KIAA1328: variants seen among roughly 807,000 people sequenced by gnomAD.
KIAA1328 encodes protein hinderin.
A neutral mutation model predicts 68.1 loss-of-function variants in KIAA1328; 52 were observed. The ratio of observed to expected loss-of-function variants is 0.76; its 90% CI spans 0.61 to 0.96. The LOEUF (loss-of-function observed/expected upper bound fraction) is 0.96. Ranked by LOEUF, KIAA1328 falls within the 40% of genes least tolerant of loss-of-function variation. KIAA1328 has a pLI of 0.00. For synonymous variants in KIAA1328, 232 were observed against 239.4 expected, an observed-to-expected ratio of 0.97 and a Z score of 0.28; for missense variants, 641 against 677.6, an observed-to-expected ratio of 0.95 and a Z score of 0.60.
chr18:37,048,351 TC>T (rs1369095358), intron 6 of KIAA1328, among the ~76,000 whole-genome samples: 21 of 152,276 alleles, frequency 1.4e-4, no homozygotes, highest in African/African-American at 5.0e-4. Context: ...ATGCTGTATG[TC>T]TCCAAATGTG....
At chr18:37,044,568 C>T (rs2055387522) in intron 6 of KIAA1328, among the ~76,000 whole-genome samples, 1 of 151,990 alleles carries the variant, frequency 6.6e-6, no homozygotes, top group South Asian at 2.1e-4. Context: ...GAGGCCAAGG[C>T]AGGTGGATCA....
At chr18:37,158,883 G>T (rs912543480) in intron 7 of KIAA1328, among the ~76,000 whole-genome samples, 3 of 152,026 alleles carry the variant, frequency 2.0e-5, no homozygotes. Context: ...GTAGTCACTG[G>T]ATTTGCCTGG....
chr18:36,848,171 C>G (rs1248488630), intron 4 of KIAA1328, among the ~76,000 whole-genome samples: 1 of 151,592 alleles, frequency 6.6e-6, no homozygotes, highest in Non-Finnish European at 1.5e-5. Context: ...TTGAAGAAAA[C>G]TAACATTATC....
At chr18:36,915,382 T>TG (rs1333388519) in intron 5 of KIAA1328, among the ~76,000 whole-genome samples, 1 of 61,666 alleles carries the variant, frequency 1.6e-5, no homozygotes, top group Non-Finnish European at 4.4e-5. Flanking sequence ...TTAAAGAGAA[T>TG]GGGGAAAAAA....
intron 6 of KIAA1328, among the ~76,000 whole-genome samples, chr18:36,987,332 T>G: frequency 7.7e-6 from 1 of 130,096 alleles, no homozygotes; most frequent in South Asian, 2.7e-4. Flanking sequence ...CTGGGGACTG[T>G]GGTGGGGTCG....
chr18:36,884,044 T>C (rs889815512), intron 4 of KIAA1328, among the ~76,000 whole-genome samples: 1 of 150,562 alleles, frequency 6.6e-6, no homozygotes, highest in Non-Finnish European at 1.5e-5. Context: ...TTTTTAAAAT[T>C]GTCTAGTCTA....
At chr18:37,097,084 T>C (rs1482543884) in intron 7 of KIAA1328, among the ~76,000 whole-genome samples, 9 of 152,224 alleles carry the variant, frequency 5.9e-5, no homozygotes, top group Non-Finnish European at 8.8e-5. Flanking sequence ...TTTGATTAGA[T>C]CCCATTTGTC....
At chr18:36,902,643 A>G (rs1362321462) in intron 5 of KIAA1328, among the ~76,000 whole-genome samples, 2 of 152,108 alleles carry the variant, frequency 1.3e-5, no homozygotes, top group Non-Finnish European at 2.9e-5. Context: ...GGTATTATCC[A>G]TAAGATATCA....
chr18:37,193,456 T>C (rs2059945563), intron 9 of KIAA1328: 1 of 620,334 alleles, frequency 1.6e-6, no homozygotes, highest in Non-Finnish European at 2.9e-6. Flanking sequence ...TTAGGTCAAA[T>C]GTTGCTACCA....
chr18:36,873,853 A>G (rs2048029844), intron 4 of KIAA1328, among the ~76,000 whole-genome samples: 1 of 152,040 alleles, frequency 6.6e-6, no homozygotes, highest in South Asian at 2.1e-4. Flanking sequence ...TCATCTCCCT[A>G]CAGGCCACAG....
chr18:37,204,644 A>C (rs1005497669), intron 9 of KIAA1328, among the ~76,000 whole-genome samples: 9 of 152,154 alleles, frequency 5.9e-5, no homozygotes, highest in Non-Finnish European at 1.5e-5. Context: ...TTCAAAGCAC[A>C]GAGAAAGAGT....
chr18:36,929,515 C>CTG (rs2050238322), intron 5 of KIAA1328, among the ~76,000 whole-genome samples: 2 of 151,988 alleles, frequency 1.3e-5, no homozygotes, highest in Non-Finnish European at 2.9e-5. Context: ...CCCTGGAGTA[C>CTG]TGACGGGTTT....
intron 7 of KIAA1328, among the ~76,000 whole-genome samples, chr18:37,105,502 A>G (rs77048058): frequency 9.8e-5 from 5 of 50,792 alleles, no homozygotes; most frequent in Admixed American, 3.8e-4. Context: ...TTTTTGAAGG[A>G]AAAAAAAAAA....
chr18:36,883,744 C>T (rs2048396561), intron 4 of KIAA1328, among the ~76,000 whole-genome samples: 1 of 152,026 alleles, frequency 6.6e-6, no homozygotes, highest in Admixed American at 6.5e-5. Context: ...TATGCATCAT[C>T]CTACAGATTC....
chr18:36,909,130 T>A (rs2049330543), intron 5 of KIAA1328, among the ~76,000 whole-genome samples: 1 of 152,136 alleles, frequency 6.6e-6, no homozygotes, highest in African/African-American at 2.4e-5. Flanking sequence ...TGATAGCTAA[T>A]ATGCTTTTTT....
intron 5 of KIAA1328, among the ~76,000 whole-genome samples, chr18:36,940,540 A>T (rs2050669301): frequency 1.3e-5 from 2 of 152,180 alleles, no homozygotes; most frequent in South Asian, 4.1e-4. Context: ...ACTATTAACT[A>T]AGTGAAAGGC....
At chr18:36,836,356 A>T (rs2046674400) in intron 3 of KIAA1328, among the ~76,000 whole-genome samples, 1 of 152,164 alleles carries the variant, frequency 6.6e-6, no homozygotes, top group African/African-American at 2.4e-5. Context: ...TTTTAGATTA[A>T]GTTCATATTT....
At position 36,964,524 on chromosome 18, in the gene KIAA1328, T is replaced by C. The variant is rs144300598; in HGVS notation, c.576+5089T>C. Among the ~76,000 whole-genome samples the C allele has an allele frequency of 1.1e-3, 170 of 152,330 alleles. 1 individual carries two copies. Among genetic ancestry groups the C allele is most frequent in the African/African-American group, 3.9e-3 (163 of 41,590 alleles). ...TTCTCCAGAAGAATGCCCTAGCTTA[T>C]GATTTTTGTTTTTGACATCTGTCAT... On this transcript the variant is annotated intron_variant, in intron 6 of 9. Transcript: ENST00000280020.
chr18:36,889,293 T>G (rs888665171), intron 5 of KIAA1328, among the ~76,000 whole-genome samples: 5 of 152,174 alleles, frequency 3.3e-5, no homozygotes, highest in Non-Finnish European at 5.9e-5. Flanking sequence ...AATCTGAAAC[T>G]TAAAGAGAAA....
Sources: allele counts gnomAD v4.1 joint callset (sites outside exome capture counted in the v4.1 genomes callset), GRCh38; gene constraint gnomAD v4.1.1; transcripts MANE v1.5; gene names NCBI Gene and HGNC (gene_info 2026-07-23, HGNC 2026-07-21).